The following KNDC1 variants were observed in gnomAD, a reference collection of about 807,000 sequenced individuals.
KNDC1 encodes the protein kinase non-catalytic C-lobe domain-containing protein 1.
Under a neutral mutation model 172.8 loss-of-function variants are expected in KNDC1, and 106 were observed. That is an observed-to-expected ratio of 0.61 (90% CI 0.52 to 0.72). KNDC1 has a LOEUF of 0.72. Among genes scored for constraint, KNDC1 ranks in the 30% least tolerant of loss-of-function variants. The probability of loss-of-function intolerance (pLI) is 0.00; values close to 1 mark genes in which losing one functional copy is unlikely to be tolerated. For synonymous variants in KNDC1, 1,083 were observed against 1,062.2 expected (o/e 1.02, Z -0.38); for missense variants, 2,325 against 2,394.5 (o/e 0.97, Z 0.61).
intron 14 of KNDC1, 94 bp downstream of exon 14, chr10:133,199,360 C>T (rs1854298733): frequency 6.4e-7 from 1 of 1,565,656 alleles, no homozygotes; most frequent in East Asian, 2.2e-5. Context: ...CCCCAGCCCC[C>T]CAGCCGAGAT....
intron 3 of KNDC1, among the ~76,000 whole-genome samples, chr10:133,179,670 G>A (rs188994069): frequency 7.9e-4 from 121 of 152,282 alleles, no homozygotes; most frequent in Non-Finnish European, 1.4e-3. Context: ...TCCACTTCAC[G>A]TGCGTGGCCA....
At chr10:133,182,771 G>A (rs1269195975) in intron 3 of KNDC1, among the ~76,000 whole-genome samples, 8 of 152,264 alleles carry the variant, frequency 5.3e-5, no homozygotes, top group African/African-American at 1.7e-4. Context: ...TCCAGAAAGC[G>A]CAGAGGGGCG....
At chr10:133,221,601 C>T (rs573860071) in intron 29 of KNDC1, among the ~76,000 whole-genome samples, 15 of 152,366 alleles carry the variant, frequency 9.8e-5, no homozygotes, top group African/African-American at 1.4e-4. Flanking sequence ...CCCTCCCCCA[C>T]GGTAGATGGC....
At chr10:133,187,181 G>A (rs528224059) in intron 6 of KNDC1, among the ~76,000 whole-genome samples, 6 of 151,700 alleles carry the variant, frequency 4.0e-5, no homozygotes, top group South Asian at 2.1e-4. Context: ...CTGCCTCCGC[G>A]GGGACGCTGG....
intron 18 of KNDC1, 24 bp downstream of exon 18, chr10:133,206,802 C>G (rs1290875008): frequency 6.2e-7 from 1 of 1,613,518 alleles, no homozygotes. Flanking sequence ...GGGCACAGGT[C>G]CGAGACCCTG....
At chr10:133,213,074 A>G in intron 24 of KNDC1, 152 bp downstream of exon 24, 1 of 689,974 alleles carries the variant, frequency 1.4e-6, no homozygotes, top group Non-Finnish European at 2.4e-6. Context: ...GGTGGCTGCC[A>G]GGTGCACAGG....
intron 26 of KNDC1, among the ~76,000 whole-genome samples, chr10:133,215,057 G>A (rs1347321066): frequency 6.6e-6 from 1 of 152,206 alleles, no homozygotes; most frequent in African/African-American, 2.4e-5. Context: ...GCGCTTGGCT[G>A]TCGTGGGCTG....
At chr10:133,193,878 A>G (rs1214736494) in intron 9 of KNDC1, among the ~76,000 whole-genome samples, 1 of 152,232 alleles carries the variant, frequency 6.6e-6, no homozygotes, top group Non-Finnish European at 1.5e-5. Flanking sequence ...AGACATAGCA[A>G]TCCTAAACAT....
chr10:133,167,218 C>A (rs1322089267), intron 1 of KNDC1, 163 bp from the exon 2 acceptor site: 1 of 662,590 alleles, frequency 1.5e-6, no homozygotes, highest in African/African-American at 1.8e-5. Context: ...AACAGCAGGA[C>A]GACTCTTGAA....
rs534693721 is a variant in KNDC1, at chr10:133,183,618, C to T, written c.507+128C>T. The T allele has an allele frequency of 7.0e-6, 8 of 1,141,682 alleles. No individual in the cohort carries two copies. In the East Asian group the frequency reaches 1.0e-4, roughly 15 times the overall value. 70.7% of individuals were successfully genotyped at this position (1,141,682 alleles called of 1,614,324 possible). ...CCGCAACCACAGTCTCATGGCATGGCATTTTGCTTAAAGGAGGACTTGGTT... is the reference window on the plus strand; with the variant it reads ...CCGCAACCACAGTCTCATGGCATGGTATTTTGCTTAAAGGAGGACTTGGTT... On this transcript the variant is annotated intron_variant, in intron 4 of 29. Coordinates refer to ENST00000304613, the MANE Select transcript of KNDC1 (RefSeq NM_152643.8).
At chr10:133,221,913 G>A (rs1845598503) in intron 29 of KNDC1, among the ~76,000 whole-genome samples, 1 of 63,978 alleles carries the variant, frequency 1.6e-5, no homozygotes, top group Non-Finnish European at 4.1e-5. Context: ...GTAACCCTAG[G>A]TAGGCCGGGC....
In KNDC1 at chr10:133,199,532, C is replaced by G. The variant is rs780792193; in HGVS notation, c.2833C>G (p.Leu945Val). ...CGCCATTTCCGAGAAGTTCTGTGACCTGTACTGGGATGAGAAGTTGCTGCA... is the reference window on the plus strand; with the variant it reads ...CGCCATTTCCGAGAAGTTCTGTGACGTGTACTGGGATGAGAAGTTGCTGCA... The part of the protein sequence containing the change: ...CGAISEKFCD[L>V]YWDEKLLQNL... The change falls in exon 15 of 30, where the codon CTG becomes GTG. Residue 945 changes from leucine to valine, a missense_variant. Leu to Val is a conservative substitution (Grantham distance 32, BLOSUM62 1). Coordinates refer to ENST00000304613, the MANE Select transcript of KNDC1 (RefSeq NM_152643.8). 1.2e-6 allele frequency: 2 copies of G among 1,613,796 alleles called. No individual in the cohort carries two copies. Among genetic ancestry groups the G allele is most frequent in the Non-Finnish European group, 1.7e-6 (2 of 1,180,002 alleles).
chr10:133,222,725 A>G (rs74955866), intron 29 of KNDC1, among the ~76,000 whole-genome samples: 1,218 of 4,638 alleles, frequency 0.26, 455 homozygotes, highest in African/African-American at 0.53. Flanking sequence ...GTGTGTGTGC[A>G]TGAGAGCCCA....
chr10:133,189,979 C>T (rs893151380), intron 9 of KNDC1, among the ~76,000 whole-genome samples, 166 bp downstream of exon 9: 2 of 152,188 alleles, frequency 1.3e-5, no homozygotes, highest in African/African-American at 2.4e-5. Context: ...TGGCTCTGGC[C>T]GGGGCACCAA....
Position 133,198,728 on chromosome 10 carries a change from AGCAGCCCCAGAGCCTCTTGGGGCGTCAGT to A in KNDC1, c.2226_2254del (p.Pro743Ter). The A allele has an allele frequency of 2.5e-6, 4 of 1,576,340 alleles. No individual in the cohort carries two copies. The highest frequency in any genetic ancestry group is 3.4e-6 in the Non-Finnish European group (4 of 1,162,010). On this transcript the variant is annotated frameshift_variant, in exon 14 of 30. Coordinates refer to ENST00000304613, the MANE Select transcript of KNDC1 (RefSeq NM_152643.8). LOFTEE classifies it high-confidence loss of function. ...CGGTGCCTGGTCCGGGGCCACAGGG[AGCAGCCCCAGAGCCTCTTGGGGCGTCAGT>A]GCAGCGTGACTCAGCCCAGGGCCGC... is the stretch of plus-strand genomic sequence containing the variant.
At chr10:133,168,135 C>A in intron 2 of KNDC1, 119 bp from the exon 3 acceptor site, 1 of 844,874 alleles carries the variant, frequency 1.2e-6, no homozygotes, top group Non-Finnish European at 2.1e-6. Context: ...GGTCTGGGGA[C>A]ACCAGGTCTG....
chr10:133,206,826 C>T (rs773285632), intron 18 of KNDC1, 30 bp from the exon 19 acceptor site: 8 of 1,611,448 alleles, frequency 5.0e-6, no homozygotes, highest in South Asian at 3.3e-5. Context: ...GCAGGCAGCC[C>T]GGCCCCCACC....
intron 29 of KNDC1, among the ~76,000 whole-genome samples, chr10:133,222,279 T>G (rs1253675584): frequency 1.1e-4 from 13 of 119,944 alleles, no homozygotes; most frequent in African/African-American, 3.4e-4. Flanking sequence ...CGAGACTCCG[T>G]CTCAAAAAAA....
At chr10:133,201,422 C>T in intron 16 of KNDC1, 79 bp from the exon 17 acceptor site, 4 of 1,450,170 alleles carry the variant, frequency 2.8e-6, no homozygotes, top group Non-Finnish European at 3.7e-6. Flanking sequence ...GCAAGCACCA[C>T]CGGCCTCCCA....
Sources: gnomAD v4.1 joint callset for allele counts (sites outside exome capture counted in the v4.1 genomes callset) on GRCh38, gnomAD v4.1.1 for gene constraint, MANE v1.5 for transcripts, NCBI Gene and HGNC (gene_info 2026-07-23, HGNC 2026-07-21) for gene names.